NALF1: variants seen among roughly 807,000 people sequenced by gnomAD.
NALF1 encodes NALCN channel auxiliary factor 1.
Under a neutral mutation model 48.4 loss-of-function variants are expected in NALF1, and 3 were observed. The observed-to-expected ratio is 0.06, with a 90% CI of 0.03 to 0.16. The LOEUF is 0.16. NALF1 is among the 10% of genes least tolerant of loss of function. NALF1 has a pLI of 1.00. For missense variants in NALF1, 526 were observed against 571.5 expected (o/e 0.92, Z 0.81); for synonymous variants, 262 against 245.7 (o/e 1.07, Z -0.62).
chr13:107,630,617 A>T (rs563318495), intron 1 of NALF1, among the ~76,000 whole-genome samples: 1 of 152,208 alleles, frequency 6.6e-6, no homozygotes, highest in East Asian at 1.9e-4. Context: ...ATAATAGGGG[A>T]AAATATATTT....
chr13:107,515,631 T>C (rs561034675), intron 1 of NALF1, among the ~76,000 whole-genome samples: 5 of 152,212 alleles, frequency 3.3e-5, no homozygotes, highest in Non-Finnish European at 5.9e-5. Context: ...TTCTTACGCA[T>C]GTATTCTGTA....
At chr13:107,733,302 T>C (rs971432725) in intron 1 of NALF1, among the ~76,000 whole-genome samples, 6 of 152,212 alleles carry the variant, frequency 3.9e-5, no homozygotes, top group Non-Finnish European at 2.9e-5. Flanking sequence ...TTTCTTTTTC[T>C]TGTCCTAAAC....
rs956503025 is a variant in NALF1 at position 107,414,961 on chromosome 13, C to T, written c.916-204206G>A. 3.4e-5 allele frequency among the ~76,000 whole-genome samples: 5 copies of T among 148,048 alleles called. No individual in the cohort carries two copies. In the East Asian group the frequency reaches 6.0e-4, roughly 18 times the overall value. On this transcript the variant is annotated intron_variant, in intron 1 of 2. Transcript: ENST00000375915. ...CCTTGCACAGTGTTCTAGAAGCAAG[C>T]GTTTCAAAACTTCAGCATAAAGATA... is the stretch of plus-strand genomic sequence containing the variant.
chr13:107,524,655 C>T (rs1423781490), intron 1 of NALF1, among the ~76,000 whole-genome samples: 1 of 152,054 alleles, frequency 6.6e-6, no homozygotes, highest in African/African-American at 2.4e-5. Context: ...CCTCAAAGCA[C>T]TTTGCAGCCT....
At chr13:107,720,011 C>A (rs1286727323) in intron 1 of NALF1, among the ~76,000 whole-genome samples, 1 of 152,112 alleles carries the variant, frequency 6.6e-6, no homozygotes, top group Non-Finnish European at 1.5e-5. Flanking sequence ...CGCTTTGTCA[C>A]CACCCCAATA....
At chr13:107,252,991 CA>C (rs1880733713) in intron 1 of NALF1, among the ~76,000 whole-genome samples, 1 of 152,062 alleles carries the variant, frequency 6.6e-6, no homozygotes, top group South Asian at 2.1e-4. Context: ...TAGATTACCC[CA>C]AAATAACACA....
chr13:107,179,706 G>C (rs1879023021), intron 2 of NALF1, among the ~76,000 whole-genome samples: 1 of 150,312 alleles, frequency 6.7e-6, no homozygotes, highest in African/African-American at 2.5e-5. Flanking sequence ...AATATTTTCT[G>C]AGTTCTAGAG....
At chr13:107,409,595 A>G (rs950229818) in intron 1 of NALF1, among the ~76,000 whole-genome samples, 1 of 152,178 alleles carries the variant, frequency 6.6e-6, no homozygotes, top group South Asian at 2.1e-4. Flanking sequence ...GTAAAAGGAC[A>G]TCAGTCGTGG....
At chr13:107,544,243 C>T (rs1341164054) in intron 1 of NALF1, among the ~76,000 whole-genome samples, 1 of 152,114 alleles carries the variant, frequency 6.6e-6, no homozygotes, top group African/African-American at 2.4e-5. Flanking sequence ...TAAGTGGCCT[C>T]AAACACAGAC....
chr13:107,488,601 C>T (rs990754509), intron 1 of NALF1, among the ~76,000 whole-genome samples: 3 of 152,066 alleles, frequency 2.0e-5, no homozygotes, highest in Non-Finnish European at 4.4e-5. Flanking sequence ...TCTTGATAAA[C>T]TACATATTGA....
At chr13:107,587,897 T>A (rs762751367) in intron 1 of NALF1, among the ~76,000 whole-genome samples, 1 of 151,996 alleles carries the variant, frequency 6.6e-6, no homozygotes, top group Non-Finnish European at 1.5e-5. Flanking sequence ...GGAGATGGAG[T>A]GTCTAACTCC....
intron 1 of NALF1, among the ~76,000 whole-genome samples, chr13:107,671,206 A>C (rs1880982869): frequency 6.6e-6 from 1 of 152,168 alleles, no homozygotes; most frequent in South Asian, 2.1e-4. Flanking sequence ...GTACTTTCTT[A>C]AGATAATAAT....
At chr13:107,843,813 A>T (rs914784526) in intron 1 of NALF1, among the ~76,000 whole-genome samples, 4 of 152,188 alleles carry the variant, frequency 2.6e-5, no homozygotes, top group African/African-American at 7.2e-5. Flanking sequence ...AGACCAAAAA[A>T]TAAATTGAGA....
chr13:107,241,185 C>T (rs897285790), intron 1 of NALF1, among the ~76,000 whole-genome samples: 32 of 151,316 alleles, frequency 2.1e-4, no homozygotes, highest in African/African-American at 7.8e-4. Context: ...CAGGGTAAGA[C>T]TTTGTCTCAA....
chr13:107,588,976 TA>T (rs1213101305), intron 1 of NALF1, among the ~76,000 whole-genome samples: 1 of 152,148 alleles, frequency 6.6e-6, no homozygotes, highest in African/African-American at 2.4e-5. Context: ...CAAAATAATT[TA>T]ATTGCAATCC....
At chr13:107,423,857 C>T (rs1241805074) in intron 1 of NALF1, among the ~76,000 whole-genome samples, 1 of 152,096 alleles carries the variant, frequency 6.6e-6, no homozygotes, top group Non-Finnish European at 1.5e-5. Context: ...TGTATATCTT[C>T]CAAAAGCTTT....
At chr13:107,857,664 T>C (rs73589328) in intron 1 of NALF1, among the ~76,000 whole-genome samples, 11,981 of 152,278 alleles carry the variant, frequency 0.079, 755 homozygotes, top group East Asian at 0.23. Context: ...TGAACTTATG[T>C]TTTCCATTTT....
chr13:107,852,669 C>T (rs113105200), intron 1 of NALF1, among the ~76,000 whole-genome samples: 4 of 152,112 alleles, frequency 2.6e-5, no homozygotes, highest in Admixed American at 2.0e-4. Context: ...CATGGGCAAC[C>T]GAGAAAATGG....
intron 1 of NALF1, among the ~76,000 whole-genome samples, chr13:107,769,123 T>G (rs1438911170): frequency 6.7e-6 from 1 of 148,454 alleles, no homozygotes; most frequent in African/African-American, 2.5e-5. Context: ...ATTGTGGAAG[T>G]CAGTGTGGCA....
Sources: allele counts gnomAD v4.1 joint callset (sites outside exome capture counted in the v4.1 genomes callset), GRCh38; gene constraint gnomAD v4.1.1; transcripts MANE v1.5; gene names NCBI Gene and HGNC (gene_info 2026-07-23, HGNC 2026-07-21).